The following NKAIN3 variants were observed in gnomAD, a reference collection of about 807,000 sequenced individuals.
The protein encoded by NKAIN3 is sodium/potassium transporting ATPase interacting 3.
In NKAIN3, 25 loss-of-function variants were observed where a neutral mutation model predicts 30.2. That is an observed-to-expected ratio of 0.83 (90% confidence interval 0.60 to 1.16). The LOEUF (loss-of-function observed/expected upper bound fraction) is 1.16. NKAIN3 is among the 50% of genes most tolerant of loss of function. The pLI is 0.00. For missense variants in NKAIN3, 225 were observed against 254.1 expected, an observed-to-expected ratio of 0.89 and a Z score of 0.78; for synonymous variants, 91 against 89.6, an observed-to-expected ratio of 1.02 and a Z score of -0.09.
intron 4 of NKAIN3, among the ~76,000 whole-genome samples, chr8:62,777,938 T>C (rs188986752): frequency 2.6e-5 from 4 of 152,288 alleles, no homozygotes; most frequent in Admixed American, 2.6e-4. Flanking sequence ...AAGCCCCATA[T>C]TGTAGCACTT....
intron 3 of NKAIN3, among the ~76,000 whole-genome samples, chr8:62,655,808 G>C (rs1812746336): frequency 6.6e-6 from 1 of 152,054 alleles, no homozygotes; most frequent in Non-Finnish European, 1.5e-5. Context: ...CAAACAACAG[G>C]TGTTTGCAAA....
chr8:62,405,943 T>C (rs1804051858), intron 1 of NKAIN3, among the ~76,000 whole-genome samples: 1 of 152,252 alleles, frequency 6.6e-6, no homozygotes, highest in Non-Finnish European at 1.5e-5. Flanking sequence ...TACAAGTTAT[T>C]ACTTGGCTGT....
intron 1 of NKAIN3, among the ~76,000 whole-genome samples, chr8:62,519,031 A>C (rs529161186): frequency 0.064 from 9,767 of 152,180 alleles, 958 homozygotes; most frequent in African/African-American, 0.22. Flanking sequence ...GGGTAAAATA[A>C]ATGCTCCAAA....
chr8:62,350,575 A>G (rs745384351), intron 1 of NKAIN3, among the ~76,000 whole-genome samples: 16 of 152,196 alleles, frequency 1.1e-4, no homozygotes, highest in Non-Finnish European at 1.6e-4. Context: ...AATGTACTTA[A>G]TGGCACTGAA....
chr8:62,871,959 A>C (rs1488137769), intron 4 of NKAIN3, among the ~76,000 whole-genome samples: 1 of 152,256 alleles, frequency 6.6e-6, no homozygotes, highest in Non-Finnish European at 1.5e-5. Context: ...TTGCATAAGG[A>C]CATTTTGGTT....
intron 1 of NKAIN3, among the ~76,000 whole-genome samples, chr8:62,254,163 T>C (rs1812196896): frequency 7.4e-6 from 1 of 135,140 alleles, no homozygotes; most frequent in African/African-American, 2.8e-5. Flanking sequence ...CGTGTGTGTG[T>C]GTGTGTGTGT....
rs576241741 is a variant in NKAIN3, at chr8:62,907,693, C to A, written c.472-10760C>A. On this transcript the variant is annotated intron_variant, in intron 4 of 6. Transcript: ENST00000623646. ...AGAGGGTGCAAGCCCCTAGCCTTGG[C>A]AGCATACACGTGGTATTGGGCTTGC... 4.6e-5 allele frequency among the ~76,000 whole-genome samples: 7 copies of A among 152,270 alleles called. No homozygotes were observed. The South Asian group carries it at 1.2e-3, about 27-fold the overall frequency.
At chr8:62,721,266 A>G (rs1410342161) in intron 3 of NKAIN3, among the ~76,000 whole-genome samples, 1 of 152,210 alleles carries the variant, frequency 6.6e-6, no homozygotes, top group Non-Finnish European at 1.5e-5. Context: ...TAAGAAAACT[A>G]TGAGAGTTTT....
chr8:62,675,521 A>T (rs964757671), intron 3 of NKAIN3, among the ~76,000 whole-genome samples: 5 of 152,212 alleles, frequency 3.3e-5, no homozygotes, highest in African/African-American at 1.2e-4. Context: ...GAGTAGGGCA[A>T]CCATATTTAA....
intron 1 of NKAIN3, among the ~76,000 whole-genome samples, chr8:62,574,758 A>G (rs555279907): frequency 6.6e-6 from 1 of 152,238 alleles, no homozygotes; most frequent in African/African-American, 2.4e-5. Flanking sequence ...GTGAGATCAT[A>G]TCTTATTGTA....
At chr8:62,480,979 C>T (rs145877660) in intron 1 of NKAIN3, among the ~76,000 whole-genome samples, 2,325 of 152,236 alleles carry the variant, frequency 0.015, 73 homozygotes, top group African/African-American at 0.054. Flanking sequence ...TAAACAGCCT[C>T]ACCTTCCTGA....
At chr8:62,313,186 G>A (rs1814503189) in intron 1 of NKAIN3, among the ~76,000 whole-genome samples, 2 of 152,178 alleles carry the variant, frequency 1.3e-5, no homozygotes, top group South Asian at 2.1e-4. Flanking sequence ...AATTGTGAAT[G>A]TATGCCTTTA....
intron 4 of NKAIN3, among the ~76,000 whole-genome samples, chr8:62,868,186 C>T (rs1334165245): frequency 6.6e-6 from 1 of 152,148 alleles, no homozygotes; most frequent in African/African-American, 2.4e-5. Flanking sequence ...AATAAGAAGT[C>T]AAATTATGAA....
intron 1 of NKAIN3, among the ~76,000 whole-genome samples, chr8:62,551,554 C>T (rs910211865): frequency 3.3e-5 from 5 of 152,262 alleles, no homozygotes; most frequent in East Asian, 1.9e-4. Context: ...GAATAGGGCT[C>T]GCCCCTGACT....
chr8:62,451,306 C>A (rs1426006493), intron 1 of NKAIN3, among the ~76,000 whole-genome samples: 5 of 140,750 alleles, frequency 3.6e-5, no homozygotes, highest in Non-Finnish European at 7.7e-5. Flanking sequence ...CCCGTCCCCT[C>A]CCCTCCCCTC....
chr8:62,954,141 A>T (rs1057480690), intron 6 of NKAIN3, among the ~76,000 whole-genome samples, 169 bp downstream of exon 6: 1 of 152,212 alleles, frequency 6.6e-6, no homozygotes, highest in South Asian at 2.1e-4. Context: ...ATTATTATTC[A>T]TTCCAAAAAG....
At chr8:62,993,405 A>G (rs976033737) in intron 5 of NKAIN3, among the ~76,000 whole-genome samples, 1 of 152,214 alleles carries the variant, frequency 6.6e-6, no homozygotes, top group African/African-American at 2.4e-5. Context: ...GAAAAAGAAA[A>G]TGTACTCAAA....
intron 3 of NKAIN3, among the ~76,000 whole-genome samples, chr8:62,694,535 C>A (rs1183304916): frequency 6.6e-6 from 1 of 152,080 alleles, no homozygotes; most frequent in African/African-American, 2.4e-5. Flanking sequence ...GAATCTTGAC[C>A]AGACAAAGAA....
chr8:62,510,530 C>T (rs888974676), intron 1 of NKAIN3, among the ~76,000 whole-genome samples: 2 of 151,846 alleles, frequency 1.3e-5, no homozygotes, highest in African/African-American at 4.8e-5. Context: ...GGGTTTGTTA[C>T]GATTTTCTGG....
Sources: allele counts gnomAD v4.1 joint callset (sites outside exome capture counted in the v4.1 genomes callset), GRCh38; gene constraint gnomAD v4.1.1; transcripts MANE v1.5; gene names NCBI Gene and HGNC (gene_info 2026-07-23, HGNC 2026-07-21).